Variants in LRP11 observed in about 807,000 individuals in gnomAD.
The protein encoded by LRP11 is low-density lipoprotein receptor-related protein 11.
Under a neutral mutation model 43.1 loss-of-function variants are expected in LRP11, and 25 were observed. The ratio of observed to expected loss-of-function variants is 0.58; its 90% CI spans 0.42 to 0.81. The LOEUF (loss-of-function observed/expected upper bound fraction) is 0.81. Ranked by LOEUF, LRP11 falls within the 30% of genes least tolerant of loss-of-function variation. The pLI is 0.00. For missense variants in LRP11, 623 were observed against 665.1 expected, an observed-to-expected ratio of 0.94 and a Z score of 0.70; for synonymous variants, 316 against 299.4, an observed-to-expected ratio of 1.06 and a Z score of -0.57.
intron 5 of LRP11, among the ~76,000 whole-genome samples, chr6:149,830,210 C>G (rs1484701770): frequency 6.6e-6 from 1 of 151,920 alleles, no homozygotes; most frequent in Admixed American, 6.6e-5. Context: ...GGGGTTTCTC[C>G]GTGTTGGCCA....
intron 1 of LRP11, among the ~76,000 whole-genome samples, chr6:149,857,653 A>G (rs1776820890): frequency 6.6e-6 from 1 of 152,208 alleles, no homozygotes; most frequent in South Asian, 2.1e-4. Flanking sequence ...TCACTATTAT[A>G]AAACCTAAGT....
intron 5 of LRP11, among the ~76,000 whole-genome samples, chr6:149,832,432 C>T (rs1181052487): frequency 3.3e-5 from 5 of 151,990 alleles, no homozygotes; most frequent in African/African-American, 1.2e-4. Context: ...TCGTGATTTG[C>T]CTGCCTCGGC....
At chr6:149,823,568 C>G (rs1257597574) in intron 6 of LRP11, among the ~76,000 whole-genome samples, 2 of 152,114 alleles carry the variant, frequency 1.3e-5, no homozygotes, top group Non-Finnish European at 2.9e-5. Flanking sequence ...TCTTGATTTA[C>G]TGGGCTTAAA....
chr6:149,826,121 G>A (rs1378428770), intron 6 of LRP11, 143 bp downstream of exon 6: 5 of 740,326 alleles, frequency 6.8e-6, no homozygotes, highest in Non-Finnish European at 1.3e-5. Context: ...TGCAATACAA[G>A]CAACGAGGAG....
chr6:149,857,282 A>G (rs1776813886), intron 1 of LRP11, among the ~76,000 whole-genome samples: 1 of 152,130 alleles, frequency 6.6e-6, no homozygotes, highest in African/African-American at 2.4e-5. Context: ...TTGTAATCCC[A>G]GCACTTTGGG....
chr6:149,860,399 T>G (rs1490915495), intron 1 of LRP11, among the ~76,000 whole-genome samples: 1 of 151,776 alleles, frequency 6.6e-6, no homozygotes, highest in African/African-American at 2.4e-5. Flanking sequence ...CTTCTACCTC[T>G]CCTCCCTCCC....
At chr6:149,853,370 C>T (rs916354855) in intron 1 of LRP11, among the ~76,000 whole-genome samples, 2 of 151,834 alleles carry the variant, frequency 1.3e-5, no homozygotes, top group South Asian at 2.1e-4. Context: ...TGGCTGGTAG[C>T]GATTTTGGGT....
At chr6:149,842,559 C>A (rs866207634) in intron 3 of LRP11, 1 of 1,295,114 alleles carries the variant, frequency 7.7e-7, no homozygotes, top group Non-Finnish European at 1.1e-6. Context: ...TTTCCCAGTC[C>A]GTCCCCCGCA....
chr6:149,860,633 G>A (rs530819886), intron 1 of LRP11, among the ~76,000 whole-genome samples: 2 of 152,074 alleles, frequency 1.3e-5, no homozygotes, highest in Non-Finnish European at 2.9e-5. Context: ...TTGTGGAGAC[G>A]CCAGGCCCCA....
In LRP11 at chr6:149,858,745, C is replaced by A. The variant is rs1042223686; in HGVS notation, c.613+4663G>T. On this transcript the variant is annotated intron_variant, in intron 1 of 6. Coordinates refer to ENST00000239367, the MANE Select transcript of LRP11 (RefSeq NM_032832.6). ...ATCTTAGCACTGCCCATGTGATAAC[C>A]TAAGCTTCACAATTGCCACTTGAGT... Among the ~76,000 whole-genome samples the A allele has an allele frequency of 3.3e-5, 5 of 152,154 alleles. No homozygotes were observed. In the East Asian group the frequency reaches 9.6e-4, roughly 29 times the overall value.
At chr6:149,862,742 G>A (rs1776938502) in intron 1 of LRP11, among the ~76,000 whole-genome samples, 2 of 151,976 alleles carry the variant, frequency 1.3e-5, no homozygotes, top group South Asian at 4.2e-4. Flanking sequence ...ACCAGCTCTG[G>A]CTAATTTTTG....
At chr6:149,850,983 G>A (rs1342126931) in intron 2 of LRP11, among the ~76,000 whole-genome samples, 1 of 152,190 alleles carries the variant, frequency 6.6e-6, no homozygotes, top group East Asian at 1.9e-4. Flanking sequence ...CTCAATCCGT[G>A]GGGGCTTTGA....
chr6:149,835,301 T>C (rs1038845297), intron 5 of LRP11, among the ~76,000 whole-genome samples: 1 of 152,216 alleles, frequency 6.6e-6, no homozygotes, highest in African/African-American at 2.4e-5. Context: ...TTTAGTCATG[T>C]TAATGTATTT....
rs73779596 is a variant in LRP11 at position 149,859,167 on chromosome 6, G to A, written c.613+4241C>T. On this transcript the variant is annotated intron_variant, in intron 1 of 6. Transcript: ENST00000239367. Reference sequence around the variant, plus strand: ...GAGGGAAGTAGCAATTTACACCATCGGTGAGCACAGAAGTGTATATGAAGT... The same window carrying A: ...GAGGGAAGTAGCAATTTACACCATCAGTGAGCACAGAAGTGTATATGAAGT... Among the ~76,000 whole-genome samples the A allele has an allele frequency of 5.0e-3, 753 of 151,840 alleles. 9 individuals are homozygous for A. Among genetic ancestry groups the A allele is most frequent in the African/African-American group, 0.017 (713 of 41,394 alleles).
chr6:149,831,881 T>C (rs1260203476), intron 5 of LRP11, among the ~76,000 whole-genome samples: 1 of 152,208 alleles, frequency 6.6e-6, no homozygotes, highest in Non-Finnish European at 1.5e-5. Flanking sequence ...AGGGCTGGTC[T>C]AGAACTCCTG....
chr6:149,829,873 T>C (rs1776385879), intron 5 of LRP11, among the ~76,000 whole-genome samples: 1 of 152,156 alleles, frequency 6.6e-6, no homozygotes, highest in African/African-American at 2.4e-5. Flanking sequence ...CCTGGTTTCC[T>C]AGCGAATACC....
In LRP11 at chr6:149,820,706, T is replaced by C. The variant is rs773821238; in HGVS notation, c.1349-3A>G. The C allele has an allele frequency of 1.3e-6, 1 of 780,690 alleles. No individual in the cohort carries two copies. The allele number at this position is 780,690 out of a possible 1,614,324, so 48.4% of individuals were successfully genotyped here. ...CAGCGCCAGGGGTAGCACTGCACCT[T>C]TGAGAAGGTTAGACATGAAGAGGGC... On this transcript the variant is annotated splice_polypyrimidine_tract_variant and splice_region_variant and intron_variant, in intron 6 of 6. Transcript: ENST00000239367.
At chr6:149,822,201 G>A (rs890419425) in intron 6 of LRP11, among the ~76,000 whole-genome samples, 1 of 152,066 alleles carries the variant, frequency 6.6e-6, no homozygotes, top group African/African-American at 2.4e-5. Context: ...TTATTAGCCA[G>A]TTGTGGCATG....
chr6:149,831,393 GC>G (rs1424445741), intron 5 of LRP11, among the ~76,000 whole-genome samples: 2 of 152,338 alleles, frequency 1.3e-5, no homozygotes, highest in East Asian at 3.9e-4. Flanking sequence ...CCTCGGGGTA[GC>G]TTGGATACAA....
Sources: allele counts gnomAD v4.1 joint callset (sites outside exome capture counted in the v4.1 genomes callset), GRCh38; gene constraint gnomAD v4.1.1; transcripts MANE v1.5; gene names NCBI Gene and HGNC (gene_info 2026-07-23, HGNC 2026-07-21).